Variants in DLC1 observed in about 807,000 individuals in gnomAD.
The protein encoded by DLC1 is DLC1 Rho GTPase activating protein.
Under a neutral mutation model 140.3 loss-of-function variants are expected in DLC1, and 54 were observed. The ratio of observed to expected loss-of-function variants is 0.38; its 90% confidence interval spans 0.31 to 0.48. The LOEUF (loss-of-function observed/expected upper bound fraction) is 0.48. DLC1 is among the 20% of genes least tolerant of loss of function. The pLI, the probability that DLC1 is intolerant of heterozygous loss-of-function variation, is 0.96. For missense variants in DLC1, 2,536 were observed against 1,907.0 expected, an observed-to-expected ratio of 1.33 and a Z score of -6.14; for synonymous variants, 986 against 728.1, an observed-to-expected ratio of 1.35 and a Z score of -5.70.
chr8:13,451,653 A>T (rs1226168136), intron 2 of DLC1, among the ~76,000 whole-genome samples: 2 of 152,164 alleles, frequency 1.3e-5, no homozygotes, highest in African/African-American at 2.4e-5. Flanking sequence ...TTCACTTAAC[A>T]TAATAGCCTC....
intron 2 of DLC1, among the ~76,000 whole-genome samples, chr8:13,410,284 G>A (rs1470430450): frequency 4.6e-5 from 7 of 152,080 alleles, no homozygotes; most frequent in Admixed American, 4.6e-4. Context: ...TGAGGATAAT[G>A]AGGAAACACT....
At chr8:13,497,872 A>G (rs528092311) in intron 2 of DLC1, among the ~76,000 whole-genome samples, 46 of 152,382 alleles carry the variant, frequency 3.0e-4, no homozygotes, top group African/African-American at 9.1e-4. Flanking sequence ...GTTAGCATAT[A>G]GCTTGTGGAC....
chr8:13,386,848 A>G (rs924818732), intron 4 of DLC1, among the ~76,000 whole-genome samples: 2 of 151,948 alleles, frequency 1.3e-5, no homozygotes, highest in African/African-American at 2.4e-5. Context: ...AAAGCTATAA[A>G]TTTTGCCTAT....
chr8:13,593,423 G>T (rs1023706286), intron 1 of DLC1, among the ~76,000 whole-genome samples: 18 of 152,056 alleles, frequency 1.2e-4, no homozygotes, highest in African/African-American at 4.3e-4. Flanking sequence ...TGCACTGATC[G>T]GTGAAATGTT....
rs140253513 is a variant in DLC1, at chr8:13,482,478, C to T, written c.1023+16571G>A. Among the ~76,000 whole-genome samples, 74 of 152,166 alleles carry T rather than the reference C, an allele frequency of 4.9e-4. 1 individual carries two copies. Among genetic ancestry groups the T allele is most frequent in the African/African-American group, 1.4e-3 (60 of 41,514 alleles). ...TAGAAGTGTCTTTATTCAGGTTAAG[C>T]GGTGAAATAATTTAAAGCTTGGAAT... On this transcript the variant is annotated intron_variant, in intron 2 of 17. Transcript: ENST00000276297.
chr8:13,105,409 C>G (rs563511814), intron 7 of DLC1, among the ~76,000 whole-genome samples: 3 of 152,208 alleles, frequency 2.0e-5, no homozygotes, highest in South Asian at 4.2e-4. Context: ...AGGCACTATG[C>G]TAGGCACTTC....
chr8:13,228,592 A>G (rs75520691), intron 5 of DLC1, among the ~76,000 whole-genome samples: 73 of 152,220 alleles, frequency 4.8e-4, no homozygotes, highest in African/African-American at 1.5e-3. Flanking sequence ...AAAAATAAAA[A>G]TAAAAAAATT....
intron 1 of DLC1, among the ~76,000 whole-genome samples, chr8:13,561,462 A>G (rs1254149812): frequency 6.6e-6 from 1 of 152,224 alleles, no homozygotes; most frequent in African/African-American, 2.4e-5. Context: ...TTTAAAAATG[A>G]AAAGCCACTA....
intron 4 of DLC1, among the ~76,000 whole-genome samples, chr8:13,307,081 C>CAAAAAAAAAAAAAAAAAAAAAAAAAAAAA (rs34372620): frequency 1.4e-5 from 1 of 70,148 alleles, no homozygotes; most frequent in Non-Finnish European, 2.4e-5. Flanking sequence ...GAGACTCTGT[C>CAAAAAAAAAAAAAAAAAAAAAAAAAAAAA]AAAAAAAAAA....
At chr8:13,365,934 T>C (rs1486342451) in intron 4 of DLC1, among the ~76,000 whole-genome samples, 2 of 152,096 alleles carry the variant, frequency 1.3e-5, no homozygotes, top group African/African-American at 4.8e-5. Flanking sequence ...TCTGGAAAAA[T>C]GCTTTCATCT....
intron 3 of DLC1, among the ~76,000 whole-genome samples, chr8:13,396,119 G>C (rs1036997133): frequency 1.3e-5 from 2 of 148,514 alleles, no homozygotes; most frequent in African/African-American, 5.0e-5. Flanking sequence ...GAGTGCAGTG[G>C]TGCGATCTCT....
chr8:13,124,858 C>T (rs1041003604), intron 5 of DLC1, among the ~76,000 whole-genome samples: 2 of 152,194 alleles, frequency 1.3e-5, no homozygotes, highest in African/African-American at 4.8e-5. Flanking sequence ...TGGAAACATT[C>T]TTCTTCCCTC....
At chr8:13,438,603 C>T (rs1490128824) in intron 2 of DLC1, among the ~76,000 whole-genome samples, 1 of 152,134 alleles carries the variant, frequency 6.6e-6, no homozygotes, top group African/African-American at 2.4e-5. Context: ...GCAACACTCA[C>T]GTCACTTTCC....
intron 5 of DLC1, among the ~76,000 whole-genome samples, chr8:13,237,757 AG>A (rs1352731155): frequency 6.6e-6 from 1 of 152,110 alleles, no homozygotes; most frequent in Non-Finnish European, 1.5e-5. Context: ...CAGGTTTTCT[AG>A]TATGCTGCTG....
At chr8:13,458,115 A>G (rs1438770161) in intron 2 of DLC1, among the ~76,000 whole-genome samples, 1 of 152,192 alleles carries the variant, frequency 6.6e-6, no homozygotes, top group African/African-American at 2.4e-5. Flanking sequence ...TTATAAAAGA[A>G]AGTAGAAAGA....
In DLC1 at chr8:13,094,614, C is replaced by T. The variant is rs557617223; in HGVS notation, c.3526+145G>A. 3.6e-4 allele frequency: 346 copies of T among 953,930 alleles called. 1 individual carries two copies. The African/African-American group carries it at 5.0e-3, about 14-fold the overall frequency. The allele number at this position is 953,930 out of a possible 1,614,324, so 59.1% of individuals were successfully genotyped here. A position where few individuals can be genotyped will look rare whatever the true frequency, so the allele number is the denominator to read the frequency against. ...CTGGGAGGCAGAGGTTGCAGTGAGC[C>T]GAGGTCACGCCACTGCACTCCAGCC... On this transcript the variant is annotated intron_variant, in intron 12 of 17. Transcript: ENST00000276297.
chr8:13,131,781 G>C (rs1366266021), intron 5 of DLC1, among the ~76,000 whole-genome samples: 1 of 152,162 alleles, frequency 6.6e-6, no homozygotes, highest in African/African-American at 2.4e-5. Context: ...GCACAGCGAG[G>C]TCCTGTCACT....
intron 1 of DLC1, chr8:13,566,965 A>G: frequency 6.6e-7 from 1 of 1,519,114 alleles, no homozygotes; most frequent in Non-Finnish European, 8.8e-7. Context: ...GGCAAAGGAG[A>G]TGAGGAGCCG....
chr8:13,400,617 A>C (rs1274858155), intron 3 of DLC1, among the ~76,000 whole-genome samples: 1 of 152,198 alleles, frequency 6.6e-6, no homozygotes, highest in Non-Finnish European at 1.5e-5. Context: ...TTTGATATGC[A>C]ACAGTTATAT....
Sources: allele counts gnomAD v4.1 joint callset (sites outside exome capture counted in the v4.1 genomes callset), GRCh38; gene constraint gnomAD v4.1.1; transcripts MANE v1.5; gene names NCBI Gene and HGNC (gene_info 2026-07-23, HGNC 2026-07-21).